Variants in RBFOX1 observed in about 807,000 individuals in gnomAD.
RBFOX1 encodes RNA binding protein fox-1 homolog 1.
Under a neutral mutation model 57.7 loss-of-function variants are expected in RBFOX1, and 8 were observed. The ratio of observed to expected loss-of-function variants is 0.14; its 90% CI spans 0.08 to 0.25. The LOEUF (loss-of-function observed/expected upper bound fraction) is 0.25. Among genes scored for constraint, RBFOX1 ranks in the 10% least tolerant of loss-of-function variants. The pLI, the probability that RBFOX1 is intolerant of heterozygous loss-of-function variation, is 1.00. For missense variants in RBFOX1, 611 were observed against 548.5 expected (o/e 1.11, Z -1.14); for synonymous variants, 326 against 222.4 (o/e 1.47, Z -4.15).
chr16:6,815,428 G>A lies in RBFOX1; in HGVS notation c.-16+160778G>A, dbSNP rs558512904. On this transcript the variant is annotated intron_variant, in intron 3 of 15. Coordinates refer to ENST00000550418, the MANE Select transcript of RBFOX1 (RefSeq NM_018723.4). ...ACTTTACCTAACCCCTTTTCAAGAT[G>A]GAGTCACTCTGGTTCAAACACCTCT... 2.6e-4 allele frequency among the ~76,000 whole-genome samples: 40 copies of A among 152,228 alleles called. 1 individual carries two copies. Among genetic ancestry groups the A allele is most frequent in the Middle Eastern group, 6.8e-3 (2 of 294 alleles).
At chr16:5,955,108 C>G (rs1023170182) in intron 4 of RBFOX1, among the ~76,000 whole-genome samples, 3 of 47,488 alleles carry the variant, frequency 6.3e-5, no homozygotes, top group Non-Finnish European at 1.1e-4. Context: ...GGGTGAAACT[C>G]CATCTCTACT....
intron 2 of RBFOX1, among the ~76,000 whole-genome samples, chr16:6,510,777 T>A (rs531918436): frequency 6.6e-6 from 1 of 152,222 alleles, no homozygotes; most frequent in Admixed American, 6.5e-5. Context: ...AGACAACAAT[T>A]TGTTGCCAGT....
chr16:7,087,706 G>T (rs185921478), intron 4 of RBFOX1, among the ~76,000 whole-genome samples: 4 of 152,102 alleles, frequency 2.6e-5, no homozygotes, highest in Non-Finnish European at 5.9e-5. Flanking sequence ...CTTGTGTAAG[G>T]AAAGAAGAGG....
At chr16:5,940,967 G>A (rs567790463) in intron 4 of RBFOX1, among the ~76,000 whole-genome samples, 1 of 152,276 alleles carries the variant, frequency 6.6e-6, no homozygotes, top group South Asian at 2.1e-4. Context: ...TTAATTGAAT[G>A]ACCTTCTGAG....
chr16:5,644,247 A>G (rs540182892), intron 3 of RBFOX1, among the ~76,000 whole-genome samples: 2 of 152,216 alleles, frequency 1.3e-5, no homozygotes, highest in South Asian at 4.1e-4. Flanking sequence ...CTAATTAAAT[A>G]GGTTAAGGCT....
chr16:5,293,564 A>G (rs2063586585), intron 1 of RBFOX1, among the ~76,000 whole-genome samples: 1 of 152,182 alleles, frequency 6.6e-6, no homozygotes, highest in African/African-American at 2.4e-5. Context: ...CACATGTAGT[A>G]GGCACCAATA....
intron 4 of RBFOX1, among the ~76,000 whole-genome samples, chr16:7,414,225 A>AGAAATG (rs1459008782): frequency 1.3e-5 from 2 of 152,234 alleles, no homozygotes; most frequent in East Asian, 3.8e-4. Context: ...GTAGGGATAC[A>AGAAATG]GAAATGGACA....
chr16:7,160,856 C>A lies in RBFOX1; in HGVS notation c.27+108758C>A, dbSNP rs55903204. On this transcript the variant is annotated intron_variant, in intron 4 of 15. Coordinates refer to ENST00000550418, the MANE Select transcript of RBFOX1 (RefSeq NM_018723.4). ...CCTCCTTCCTCCTCCTCCTCCTCCT[C>A]CTTCTTTTTCTTCGTTCAATCTTGG... 7.5e-3 allele frequency among the ~76,000 whole-genome samples: 1,101 copies of A among 147,398 alleles called. 19 individuals are homozygous for A. Among genetic ancestry groups the A allele is most frequent in the African/African-American group, 0.027 (1,053 of 38,546 alleles).
intron 1 of RBFOX1, among the ~76,000 whole-genome samples, chr16:5,364,288 G>C (rs546888863): frequency 1.3e-5 from 2 of 152,234 alleles, no homozygotes; most frequent in Admixed American, 1.3e-4. Flanking sequence ...TCCCCCAGGG[G>C]TGCACAGAAG....
intron 4 of RBFOX1, among the ~76,000 whole-genome samples, chr16:7,317,109 C>T (rs55901565): frequency 4.7e-4 from 71 of 151,470 alleles, no homozygotes; most frequent in African/African-American, 1.6e-3. Context: ...AAGCTGAGGA[C>T]GGGGGTGTCA....
intron 2 of RBFOX1, among the ~76,000 whole-genome samples, chr16:6,624,987 A>G (rs2098282806): frequency 6.6e-6 from 1 of 151,958 alleles, no homozygotes; most frequent in Non-Finnish European, 1.5e-5. Context: ...CAACATGGTG[A>G]AACCCCATCT....
intron 2 of RBFOX1, among the ~76,000 whole-genome samples, chr16:6,578,531 G>T (rs2097480985): frequency 6.7e-6 from 1 of 150,026 alleles, no homozygotes; most frequent in South Asian, 2.1e-4. Context: ...CTCAGCACAA[G>T]CATTCTGTCC....
At chr16:6,986,184 TTTTATTTA>T (rs201088154) in intron 3 of RBFOX1, among the ~76,000 whole-genome samples, 5 of 144,142 alleles carry the variant, frequency 3.5e-5, no homozygotes, top group African/African-American at 7.9e-5. Flanking sequence ...CAATTTCTAT[TTTTATTTA>T]TTTATTTATT....
chr16:6,441,549 T>C (rs74466170), intron 2 of RBFOX1, among the ~76,000 whole-genome samples: 3,951 of 152,204 alleles, frequency 0.026, 133 homozygotes, highest in East Asian at 0.13. Context: ...CCCAAGTAGT[T>C]GGGATTACAG....
rs544705222 is a variant in RBFOX1, at chr16:6,575,747, C to G, written c.-63-78856C>G. On this transcript the variant is annotated intron_variant, in intron 2 of 15. Transcript: ENST00000550418. ...TAGCAGACGCCTGTAATCCCAGGTA[C>G]TCGGGAGGCTGAGGCAGGAGAATCG... Among the ~76,000 whole-genome samples, 20 of 151,712 alleles carry G rather than the reference C, an allele frequency of 1.3e-4. No homozygotes were observed. The East Asian group carries it at 3.9e-3, about 30-fold the overall frequency.
intron 4 of RBFOX1, among the ~76,000 whole-genome samples, chr16:7,472,553 C>T (rs1337148708): frequency 6.6e-6 from 1 of 152,138 alleles, no homozygotes; most frequent in African/African-American, 2.4e-5. Context: ...GTACACAGTG[C>T]AAATATACAA....
At chr16:6,922,142 C>T (rs930064171) in intron 3 of RBFOX1, among the ~76,000 whole-genome samples, 1 of 152,080 alleles carries the variant, frequency 6.6e-6, no homozygotes, top group Non-Finnish European at 1.5e-5. Context: ...TTCAGGAGCA[C>T]CTTACACACA....
At chr16:5,700,257 G>A (rs565142097) in intron 3 of RBFOX1, among the ~76,000 whole-genome samples, 4 of 151,744 alleles carry the variant, frequency 2.6e-5, no homozygotes, top group Non-Finnish European at 5.9e-5. Flanking sequence ...ATATGCCTCA[G>A]TATTCATTAT....
intron 4 of RBFOX1, among the ~76,000 whole-genome samples, chr16:7,112,679 G>GTGTGTGTGTGTGTGTGTGTGTGTGTGT (rs369771164): frequency 1.3e-4 from 18 of 141,894 alleles, no homozygotes; most frequent in Non-Finnish European, 2.3e-4. Flanking sequence ...TGTGTGTGTG[G>GTGTGTGTGTGTGTGTGTGTGTGTGTGT]GTGTGGGTGT....
Sources: gnomAD v4.1 joint callset for allele counts (sites outside exome capture counted in the v4.1 genomes callset) on GRCh38, gnomAD v4.1.1 for gene constraint, MANE v1.5 for transcripts, NCBI Gene and HGNC (gene_info 2026-07-23, HGNC 2026-07-21) for gene names.